Variants in LRRC56 observed in about 807,000 individuals in gnomAD.
LRRC56 encodes leucine-rich repeat-containing protein 56.
In LRRC56, 41 loss-of-function variants were observed where a neutral mutation model predicts 47.8. That is an observed-to-expected ratio of 0.86 (90% confidence interval 0.67 to 1.11). The LOEUF (loss-of-function observed/expected upper bound fraction) is 1.11. Among genes scored for constraint, LRRC56 ranks in the 50% most tolerant of loss-of-function variants. LRRC56 has a pLI of 0.00. For missense variants in LRRC56, 759 were observed against 704.2 expected (o/e 1.08, Z -0.88); for synonymous variants, 387 against 311.2 (o/e 1.24, Z -2.56).
At chr11:535,095 T>C (rs1444630368), upstream of LRRC56, among the ~76,000 whole-genome samples, 1 of 151,654 alleles carries the variant, frequency 6.6e-6, no homozygotes, top group Non-Finnish European at 1.5e-5. Context: ...CGCGGCCGCC[T>C]CCTCCCAGAC....
upstream of LRRC56, chr11:537,411 G>C (rs1283800168): frequency 6.6e-6 from 1 of 152,268 alleles, no homozygotes; most frequent in African/African-American, 2.4e-5. Flanking sequence ...GCGTGGCTCA[G>C]CCGCACGGAA....
the LRRC56 span, chr11:532,430 C>T: frequency 1.4e-6 from 1 of 713,880 alleles, no homozygotes; most frequent in East Asian, 2.7e-5. Flanking sequence ...GCTCCAGCAG[C>T]CCTTCCTTCC....
At chr11:507,086 C>T in the LRRC56 span, 1 of 152,216 alleles carries the variant, frequency 6.6e-6, no homozygotes, top group Non-Finnish European at 1.5e-5. Flanking sequence ...CCTGGCTAGA[C>T]GCTGACGCAC....
the LRRC56 span, chr11:532,496 C>G: frequency 8.5e-7 from 1 of 1,171,992 alleles, no homozygotes; most frequent in Non-Finnish European, 1.2e-6. Context: ...CTTCCTGCAT[C>G]CGGCACCTCC....
chr11:506,744 T>C, the LRRC56 span: 1 of 152,272 alleles, frequency 6.6e-6, no homozygotes, highest in African/African-American at 2.4e-5. Context: ...TGGGCCAGGA[T>C]TGCTTGCGTA....
the LRRC56 span, among the ~76,000 whole-genome samples, chr11:523,459 C>T: frequency 1.4e-5 from 2 of 146,754 alleles, no homozygotes; most frequent in African/African-American, 5.0e-5. Flanking sequence ...GGTGAAACCC[C>T]ATGTCTACTA....
At position 554,105 on chromosome 11, in the gene LRRC56, G is replaced by C; in HGVS notation, c.1458G>C (p.Gly486=). 1 of 1,606,522 alleles carries C rather than the reference G, an allele frequency of 6.2e-7. No homozygotes were observed. The highest frequency in any genetic ancestry group is 8.5e-7 in the Non-Finnish European group (1 of 1,178,320). The part of the protein sequence containing the change: ...GRRLRVLGSW[G]PGLGDGVAAV... ...GGCTCCGAGTCCTGGGCAGCTGGGGGCCTGGCCTGGGTGATGGGGTGGCTG... is the reference window on the plus strand; with the variant it reads ...GGCTCCGAGTCCTGGGCAGCTGGGGCCCTGGCCTGGGTGATGGGGTGGCTG... The change falls in exon 14 of 14, where the codon GGG becomes GGC. Residue 486 remains glycine, a synonymous_variant. Coordinates refer to ENST00000270115, the MANE Select transcript of LRRC56 (RefSeq NM_198075.4).
the LRRC56 span, among the ~76,000 whole-genome samples, chr11:508,587 T>C: frequency 6.6e-6 from 1 of 151,536 alleles, no homozygotes; most frequent in African/African-American, 2.4e-5. Context: ...GCCAACGTGG[T>C]GAAACCCCAT....
At chr11:553,504 G>C (rs1852547555) in intron 13 of LRRC56, among the ~76,000 whole-genome samples, 1 of 152,150 alleles carries the variant, frequency 6.6e-6, no homozygotes, top group African/African-American at 2.4e-5. Flanking sequence ...AGGCAGGGCG[G>C]CCAGGAGGAG....
Position 551,197 on chromosome 11 carries a change from G to T in LRRC56, c.691G>T (p.Glu231Ter). The stretch of plus-strand genomic sequence containing the variant: ...CATTCCCCAGCTGCAGGTCCTGGAC[G>T]AAGTGCCGGCCGCACACACAGGCCC... ...KLIPQLQVLD[E>*]VPAAHTGPPA... The change falls in exon 9 of 14, where the codon GAA becomes TAA. Residue 231 changes from glutamate (E) to a stop codon, truncating the protein, a stop_gained. Transcript: ENST00000270115. LOFTEE classifies it high-confidence loss of function. 3 of 1,546,010 alleles carry T rather than the reference G, an allele frequency of 1.9e-6. No homozygotes were observed. The highest frequency in any genetic ancestry group is 2.6e-6 in the Non-Finnish European group (3 of 1,144,332).
At position 554,204 on chromosome 11, in the gene LRRC56, G is replaced by A. The variant is rs747913103; in HGVS notation, c.1557G>A (p.Lys519=). 9 of 1,549,276 alleles carry A rather than the reference G, an allele frequency of 5.8e-6. No homozygotes were observed. The South Asian group carries it at 9.6e-5, about 16-fold the overall frequency. ...GAGCCCAGGGATGTCCTGGCCCAAA[G>A]CCAGCACCAGATGCAGCAGCTAGAC... ...SPRAQGCPGP[K]PAPDAAARPP... Residue 519 remains lysine, a synonymous_variant, in exon 14 of 14, where the codon AAG becomes AAA. Transcript: ENST00000270115.
At chr11:545,699 C>T (rs771234368) in intron 6 of LRRC56, among the ~76,000 whole-genome samples, 14 of 152,174 alleles carry the variant, frequency 9.2e-5, no homozygotes, top group Non-Finnish European at 1.8e-4. Context: ...CTCACGTCAT[C>T]GGAAGGGAAA....
chr11:533,490 C>T (rs1554884772), upstream of LRRC56: 3 of 1,613,606 alleles, frequency 1.9e-6, no homozygotes, highest in Non-Finnish European at 1.7e-6. Context: ...GTAGGGGATG[C>T]CGTAGCTTCG....
At chr11:521,172 C>A in the LRRC56 span, among the ~76,000 whole-genome samples, 3 of 152,202 alleles carry the variant, frequency 2.0e-5, no homozygotes, top group Non-Finnish European at 4.4e-5. Context: ...CCTCCCCGCT[C>A]CAGACCTTCA....
chr11:533,534 G>A (rs200945755), upstream of LRRC56: 113 of 1,613,848 alleles, frequency 7.0e-5, 1 homozygote, highest in East Asian at 2.4e-3. Flanking sequence ...ATTCCACAGT[G>A]CGTGCAGCCA....
At chr11:537,838 G>C (rs1851598094) in intron 1 of LRRC56, among the ~76,000 whole-genome samples, 1 of 152,210 alleles carries the variant, frequency 6.6e-6, no homozygotes, top group Non-Finnish European at 1.5e-5. Flanking sequence ...CCCAAGCCCT[G>C]CCCCTGAGGG....
the LRRC56 span, among the ~76,000 whole-genome samples, chr11:521,037 C>T: frequency 1.3e-5 from 2 of 152,208 alleles, no homozygotes; most frequent in African/African-American, 4.8e-5. Flanking sequence ...TTTATGCAAA[C>T]ACTGCCACCG....
the LRRC56 span, among the ~76,000 whole-genome samples, chr11:512,571 C>T: frequency 1.9e-3 from 284 of 152,222 alleles, 1 homozygote; most frequent in Middle Eastern, 6.8e-3. Context: ...TTACATGGTG[C>T]GAGGAAAGGG....
chr11:552,137 G>T lies in LRRC56; in HGVS notation c.1086G>T (p.Pro362=). 1 of 1,612,584 alleles carries T rather than the reference G, an allele frequency of 6.2e-7. No individual in the cohort carries two copies. The highest frequency in any genetic ancestry group is 8.5e-7 in the Non-Finnish European group (1 of 1,179,862). ...EQLPQHRPGD[P]AASTSTPEPD... is the part of the protein sequence containing the mutation. ...TGCCCCAACACAGGCCAGGAGATCCGGCCGCCAGCACTTCCACCCCAGAGC... is the reference window on the plus strand; with the variant it reads ...TGCCCCAACACAGGCCAGGAGATCCTGCCGCCAGCACTTCCACCCCAGAGC... Residue 362 remains proline, a synonymous_variant, in exon 12 of 14, where the codon CCG becomes CCT. Transcript: ENST00000270115.
Sources: allele counts gnomAD v4.1 joint callset (sites outside exome capture counted in the v4.1 genomes callset), GRCh38; gene constraint gnomAD v4.1.1; transcripts MANE v1.5; gene names NCBI Gene and HGNC (gene_info 2026-07-23, HGNC 2026-07-21).